GTF3C1: variants seen among roughly 807,000 people sequenced by gnomAD.
GTF3C1 encodes the protein general transcription factor 3C polypeptide 1.
In GTF3C1, 57 loss-of-function variants were observed where a neutral mutation model predicts 226.7. That is an observed-to-expected ratio of 0.25 (90% CI 0.20 to 0.31). GTF3C1 has a LOEUF of 0.31. GTF3C1 is among the 10% of genes least tolerant of loss of function. The probability of loss-of-function intolerance (pLI) is 1.00; values close to 1 mark genes in which losing one functional copy is unlikely to be tolerated. For missense variants in GTF3C1, 2,217 were observed against 2,776.1 expected (o/e 0.80, Z 4.53); for synonymous variants, 1,090 against 1,084.8 (o/e 1.00, Z -0.09).
chr16:27,477,778 G>C (rs1183478939), intron 28 of GTF3C1, among the ~76,000 whole-genome samples: 1 of 152,046 alleles, frequency 6.6e-6, no homozygotes, highest in Non-Finnish European at 1.5e-5. Flanking sequence ...TTACATGTGG[G>C]GCCAGGCATA....
Position 27,483,077 on chromosome 16 carries a change from G to C in GTF3C1, c.4050C>G (p.Phe1350Leu). The C allele has an allele frequency of 6.2e-7, 1 of 1,614,202 alleles. No individual in the cohort carries two copies. Among genetic ancestry groups the C allele is most frequent in the South Asian group, 1.1e-5 (1 of 91,088 alleles). ...CATCATAGTCACCTCTTCGATTCATGAAATCTCCAACAAGTGCTTTATCCT... is the reference window on the plus strand; with the variant it reads ...CATCATAGTCACCTCTTCGATTCATCAAATCTCCAACAAGTGCTTTATCCT... ...VYQDKALVGD[F>L]MNRRGDYDDP... The change falls in exon 26 of 37, where the codon TTC becomes TTG. Residue 1350 changes from phenylalanine to leucine, a missense_variant. By Grantham distance (22) the Phe-to-Leu change is conservative. Around this residue, in one of 12 missense-constraint regions of GTF3C1, gnomAD observed 546 missense variants for 663.0 expected, o/e 0.82. Transcript: ENST00000356183.
chr16:27,503,128 C>T, intron 10 of GTF3C1, 133 bp from the exon 11 acceptor site: 1 of 637,108 alleles, frequency 1.6e-6, no homozygotes, highest in East Asian at 2.7e-5. Context: ...AGCCAAGAAG[C>T]CTGTTCTCCT....
intron 29 of GTF3C1, among the ~76,000 whole-genome samples, chr16:27,474,454 G>A (rs1273598547): frequency 6.6e-6 from 1 of 152,140 alleles, no homozygotes; most frequent in Non-Finnish European, 1.5e-5. Flanking sequence ...GGGGTACAGT[G>A]GGAAGGATCC....
At chr16:27,476,675 AAC>A in intron 28 of GTF3C1, 131 bp from the exon 29 acceptor site, 2 of 633,512 alleles carry the variant, frequency 3.2e-6, no homozygotes, top group Non-Finnish European at 5.7e-6. Context: ...CACAAAAGAA[AAC>A]ACAATATATG....
chr16:27,478,464 C>T lies in GTF3C1; in HGVS notation c.4259+5G>A. ...GGAAAAGCTACTCTATATATCAGTA[C>T]TTACCTGTTAAGTTCATCCTCTTTC... On this transcript the variant is annotated splice_donor_5th_base_variant and intron_variant, in intron 28 of 36. Coordinates refer to ENST00000356183, the MANE Select transcript of GTF3C1 (RefSeq NM_001520.4). 6.3e-7 allele frequency: 1 copy of T among 1,579,216 alleles called. No individual in the cohort carries two copies. The highest frequency in any genetic ancestry group is 1.3e-5 in the African/African-American group (1 of 74,358).
chr16:27,501,022 C>T (rs1596637208), intron 12 of GTF3C1, among the ~76,000 whole-genome samples, 169 bp downstream of exon 12: 2 of 152,306 alleles, frequency 1.3e-5, no homozygotes, highest in East Asian at 3.9e-4. Context: ...AGTTTTTGCT[C>T]TTTTCTGTTT....
intron 5 of GTF3C1, among the ~76,000 whole-genome samples, chr16:27,532,645 C>A (rs575259231): frequency 6.6e-6 from 1 of 152,160 alleles, no homozygotes; most frequent in Non-Finnish European, 1.5e-5. Flanking sequence ...CTCCCCTCCC[C>A]CTCAGGACAG....
rs772986777 is a variant in GTF3C1, at chr16:27,469,516, C to A, written c.4849G>T (p.Asp1617Tyr). ...GKDGSLEDDEDEEDDLDEGVG... is the reference protein window; with the variant it reads ...GKDGSLEDDEYEEDDLDEGVG... ...CCTTCGTCCAAGTCATCCTCTTCAT[C>A]CTCGTCATCCTCCAGGCTGCCGTCC... The change falls in exon 32 of 37, where the codon GAT (aspartate) becomes TAT (tyrosine). Residue 1617 changes from aspartate (D) to tyrosine (Y), a missense_variant. Coordinates refer to ENST00000356183, the MANE Select transcript of GTF3C1 (RefSeq NM_001520.4). This position sits in a 1 kb window ranked among gnomAD's most constrained non-coding sequence, Gnocchi z 4.5. The A allele has an allele frequency of 5.0e-6, 8 of 1,612,846 alleles. No homozygotes were observed. Among genetic ancestry groups the A allele is most frequent in the Non-Finnish European group, 5.9e-6 (7 of 1,179,006 alleles).
chr16:27,484,375 G>A (rs952899399), intron 24 of GTF3C1, 22 bp from the exon 25 acceptor site: 4 of 1,581,350 alleles, frequency 2.5e-6, no homozygotes, highest in African/African-American at 2.7e-5. Flanking sequence ...ACAGAGCCAA[G>A]ACAAAAAGTC....
rs2087724330 is a variant in GTF3C1, at chr16:27,462,710, T to C, written c.5925-224A>G. The C allele has an allele frequency of 1.9e-6, 1 of 539,792 alleles. No homozygotes were observed. The highest frequency in any genetic ancestry group is 3.3e-6 in the Non-Finnish European group (1 of 299,648). The allele number at this position is 539,792 out of a possible 1,614,324, so 33.4% of individuals were successfully genotyped here. ...AACCAGGACGTGGTGTCCGCTCTGATGTAGCTGTAACTGAGGCCTCAGTGG... is the reference window on the plus strand; with the variant it reads ...AACCAGGACGTGGTGTCCGCTCTGACGTAGCTGTAACTGAGGCCTCAGTGG... On this transcript the variant is annotated intron_variant, in intron 35 of 36. Transcript: ENST00000356183. This position sits in a 1 kb window ranked among gnomAD's most constrained non-coding sequence, Gnocchi z 4.5.
rs183263072 is a variant in GTF3C1, at chr16:27,530,706, C to T, written c.850-1985G>A. ...GCCTCCTCCTCACCCAAATCTGCTC[C>T]TCTTTCTGACCTATTTATTCAACTC... On this transcript the variant is annotated intron_variant, in intron 5 of 36. Coordinates refer to ENST00000356183, the MANE Select transcript of GTF3C1 (RefSeq NM_001520.4). Among the ~76,000 whole-genome samples, 9 of 152,306 alleles carry T rather than the reference C, an allele frequency of 5.9e-5. No individual in the cohort carries two copies. The East Asian group carries it at 1.7e-3, about 29-fold the overall frequency.
chr16:27,479,037 G>C (rs2141361266), intron 27 of GTF3C1, among the ~76,000 whole-genome samples: 1 of 152,274 alleles, frequency 6.6e-6, no homozygotes, highest in East Asian at 1.9e-4. Flanking sequence ...AAGTTTTCAT[G>C]ATTTAAAACT....
intron 15 of GTF3C1, 77 bp downstream of exon 15, chr16:27,495,134 G>A: frequency 1.8e-6 from 2 of 1,115,954 alleles, no homozygotes; most frequent in East Asian, 2.4e-5. Context: ...ATAAGGAAAA[G>A]GAACTATCAT....
Position 27,470,550 on chromosome 16 carries a change from G to C in GTF3C1, c.4527-155C>G. 1 of 644,182 alleles carries C rather than the reference G, an allele frequency of 1.6e-6. No homozygotes were observed. Among genetic ancestry groups the C allele is most frequent in the Non-Finnish European group, 2.7e-6 (1 of 368,768 alleles). The allele number at this position is 644,182 out of a possible 1,614,324, so 39.9% of individuals were successfully genotyped here. A position where few individuals can be genotyped will look rare whatever the true frequency, so the allele number is the denominator to read the frequency against. On this transcript the variant is annotated intron_variant, in intron 30 of 36. Transcript: ENST00000356183. The surrounding 1 kb of genome is among the most constrained non-coding windows in gnomAD (Gnocchi z 4.9). ...TCTCTGTCCCATCCCAGATGAAGGTGCTGCATTCCCACCTAGCGGTGTTTG... is the reference window on the plus strand; with the variant it reads ...TCTCTGTCCCATCCCAGATGAAGGTCCTGCATTCCCACCTAGCGGTGTTTG...
At position 27,538,630 on chromosome 16, in the gene GTF3C1, C is replaced by T. The variant is rs2089036415; in HGVS notation, c.432-274G>A. On this transcript the variant is annotated intron_variant, in intron 2 of 36. Coordinates refer to ENST00000356183, the MANE Select transcript of GTF3C1 (RefSeq NM_001520.4). ...TCAGGGCTCGCCAAGGCGCTCAGGC[C>T]AAATCCAACTCCTCATCCCACTCCT... 2.6e-5 allele frequency among the ~76,000 whole-genome samples: 4 copies of T among 152,272 alleles called. No individual in the cohort carries two copies. The South Asian group carries it at 8.3e-4, about 32-fold the overall frequency.
intron 23 of GTF3C1, among the ~76,000 whole-genome samples, chr16:27,487,262 C>T (rs1039540948): frequency 6.0e-4 from 92 of 152,180 alleles, no homozygotes; most frequent in African/African-American, 2.1e-3. Context: ...TTGTTATGAA[C>T]GCCAGCCAAA....
intron 23 of GTF3C1, among the ~76,000 whole-genome samples, chr16:27,487,214 C>T (rs538862944): frequency 2.4e-4 from 37 of 152,284 alleles, no homozygotes; most frequent in African/African-American, 7.2e-4. Flanking sequence ...CTACGACAGG[C>T]GAAACTGAGG....
Position 27,501,181 on chromosome 16 carries a change from C to T in GTF3C1, c.2061+10G>A, listed in dbSNP as rs13330779. 5 of 1,608,014 alleles carry T rather than the reference C, an allele frequency of 3.1e-6. No homozygotes were observed. In the African/African-American group the frequency reaches 5.3e-5, roughly 17 times the overall value. ...GGCTGGCTCTGGGCATCGGGGGAGG[C>T]CCTGGTTACCTTCTTCTTGATGCCA... On this transcript the variant is annotated intron_variant, in intron 12 of 36. Transcript: ENST00000356183.
At chr16:27,548,665 T>G (rs909048610) in intron 1 of GTF3C1, among the ~76,000 whole-genome samples, 14 of 152,174 alleles carry the variant, frequency 9.2e-5, no homozygotes, top group Non-Finnish European at 1.9e-4. Flanking sequence ...CAATTCTTAG[T>G]CACTTATTGC....
Sources: gnomAD v4.1 joint callset for allele counts (sites outside exome capture counted in the v4.1 genomes callset) on GRCh38, gnomAD v4.1.1 for gene constraint, gnomAD v4.1.1 regional missense constraint, Gnocchi (gnomAD v3.1) non-coding constraint, MANE v1.5 for transcripts, NCBI Gene and HGNC (gene_info 2026-07-23, HGNC 2026-07-21) for gene names.